The following RBFOX1 variants were observed in gnomAD, a reference collection of about 807,000 sequenced individuals.
RBFOX1 encodes RNA binding protein fox-1 homolog 1.
In RBFOX1, 8 loss-of-function variants were observed where a neutral mutation model predicts 57.7. The ratio of observed to expected loss-of-function variants is 0.14; its 90% CI spans 0.08 to 0.25. The LOEUF is 0.25. Among genes scored for constraint, RBFOX1 ranks in the 10% least tolerant of loss-of-function variants. The pLI, the probability that RBFOX1 is intolerant of heterozygous loss-of-function variation, is 1.00. For synonymous variants in RBFOX1, 326 were observed against 222.4 expected (o/e 1.47, Z -4.15); for missense variants, 611 against 548.5 (o/e 1.11, Z -1.14).
intron 6 of RBFOX1, among the ~76,000 whole-genome samples, chr16:7,584,899 T>A (rs990637148): frequency 1.4e-4 from 22 of 152,286 alleles, no homozygotes; most frequent in African/African-American, 5.3e-4. Flanking sequence ...AGAAGCAAAC[T>A]TTGAGACCAC....
intron 1 of RBFOX1, among the ~76,000 whole-genome samples, chr16:5,263,680 A>G (rs2062790248): frequency 1.3e-5 from 2 of 152,158 alleles, no homozygotes; most frequent in Non-Finnish European, 2.9e-5. Flanking sequence ...TGGGAAAGGC[A>G]GAGGAAGAGG....
At chr16:6,296,074 C>T (rs559570399) in intron 1 of RBFOX1, among the ~76,000 whole-genome samples, 4 of 152,328 alleles carry the variant, frequency 2.6e-5, no homozygotes, top group Non-Finnish European at 5.9e-5. Context: ...TCCTTTCAGC[C>T]GTACAAGCAG....
At chr16:5,989,880 A>ACACACACACACACACACACACACC (rs33912010) in intron 4 of RBFOX1, among the ~76,000 whole-genome samples, 4,546 of 127,192 alleles carry the variant, frequency 0.036, 234 homozygotes, top group South Asian at 0.042. Flanking sequence ...ACACACACAC[A>ACACACACACACACACACACACACC]CCACCCCTGT....
chr16:6,483,485 A>G, intron 2 of RBFOX1: 1 of 1,535,724 alleles, frequency 6.5e-7, no homozygotes, highest in Non-Finnish European at 8.7e-7. Flanking sequence ...AACAGGAGGC[A>G]CTTTGCAGCC....
At chr16:6,818,072 A>G (rs552082059) in intron 3 of RBFOX1, among the ~76,000 whole-genome samples, 1 of 152,226 alleles carries the variant, frequency 6.6e-6, no homozygotes, top group Admixed American at 6.5e-5. Context: ...ACTATCTTAG[A>G]TGTCATGATG....
intron 2 of RBFOX1, among the ~76,000 whole-genome samples, chr16:6,493,907 T>C (rs1214798913): frequency 1.3e-5 from 2 of 152,228 alleles, no homozygotes; most frequent in Non-Finnish European, 2.9e-5. Context: ...TTTTATTAAA[T>C]AGTTTCTTAA....
At chr16:6,876,552 C>T (rs948321920) in intron 3 of RBFOX1, among the ~76,000 whole-genome samples, 2 of 152,082 alleles carry the variant, frequency 1.3e-5, no homozygotes, top group Non-Finnish European at 2.9e-5. Context: ...AAAATTAAGT[C>T]ACTTCTATAA....
At chr16:7,467,268 C>G (rs1211614214) in intron 4 of RBFOX1, among the ~76,000 whole-genome samples, 1 of 152,124 alleles carries the variant, frequency 6.6e-6, no homozygotes, top group Non-Finnish European at 1.5e-5. Context: ...CAATAGGGAA[C>G]AAGTGCTAAA....
intron 2 of RBFOX1, among the ~76,000 whole-genome samples, chr16:6,591,906 G>C (rs2097716446): frequency 6.6e-6 from 1 of 152,152 alleles, no homozygotes; most frequent in Non-Finnish European, 1.5e-5. Context: ...TTGTGAACTG[G>C]AATTTTATAT....
intron 2 of RBFOX1, among the ~76,000 whole-genome samples, chr16:6,396,240 G>A (rs2092829915): frequency 6.6e-6 from 1 of 152,024 alleles, no homozygotes; most frequent in Non-Finnish European, 1.5e-5. Context: ...GGCAGAAATT[G>A]AAGGGGCTTT....
Position 7,272,589 on chromosome 16 carries a change from A to G in RBFOX1, c.27+220491A>G, listed in dbSNP as rs960720589. 2.0e-5 allele frequency among the ~76,000 whole-genome samples: 3 copies of G among 152,242 alleles called. No homozygotes were observed. In the South Asian group the frequency reaches 6.2e-4, roughly 31 times the overall value. ...TCACTTGCCAGGTTGTAGAGAGGAC[A>G]GGAAAGCAGTGCTGAGCAGCCAGGC... is the stretch of plus-strand genomic sequence containing the variant. On this transcript the variant is annotated intron_variant, in intron 4 of 15. Coordinates refer to ENST00000550418, the MANE Select transcript of RBFOX1 (RefSeq NM_018723.4).
intron 4 of RBFOX1, among the ~76,000 whole-genome samples, chr16:7,438,790 G>A (rs1346247110): frequency 6.6e-6 from 1 of 152,140 alleles, no homozygotes; most frequent in Non-Finnish European, 1.5e-5. Context: ...TAATTCAATA[G>A]CGTAGCCTTG....
intron 3 of RBFOX1, among the ~76,000 whole-genome samples, chr16:6,915,933 A>G (rs1379483958): frequency 1.3e-5 from 2 of 152,172 alleles, no homozygotes; most frequent in Non-Finnish European, 2.9e-5. Context: ...TGGTCCCCAA[A>G]TGCTGAAGTT....
At chr16:7,369,116 A>C (rs1244990983) in intron 4 of RBFOX1, among the ~76,000 whole-genome samples, 2 of 152,168 alleles carry the variant, frequency 1.3e-5, no homozygotes, top group African/African-American at 4.8e-5. Flanking sequence ...GGTTTTTCAC[A>C]ACTCAGCGTG....
Position 6,711,948 on chromosome 16 carries a change from A to G in RBFOX1, c.-16+57298A>G, listed in dbSNP as rs12444049. ...CCTTCTCCTACATTTCTTGTCTCCCATTCTTCCTTTGTAGCTGTAGCATTT... is the reference window on the plus strand; with the variant it reads ...CCTTCTCCTACATTTCTTGTCTCCCGTTCTTCCTTTGTAGCTGTAGCATTT... On this transcript the variant is annotated intron_variant, in intron 3 of 15. Coordinates refer to ENST00000550418, the MANE Select transcript of RBFOX1 (RefSeq NM_018723.4). Among the ~76,000 whole-genome samples, 629 of 152,148 alleles carry G rather than the reference A, an allele frequency of 4.1e-3. 2 individuals carry two copies. Among genetic ancestry groups the G allele is most frequent in the Middle Eastern group, 6.8e-3 (2 of 294 alleles).
chr16:6,847,375 A>G lies in RBFOX1; in HGVS notation c.-16+192725A>G, dbSNP rs1057007702. Among the ~76,000 whole-genome samples, 16 of 151,942 alleles carry G rather than the reference A, an allele frequency of 1.1e-4. 1 individual carries two copies. The highest frequency in any genetic ancestry group is 3.6e-4 in the African/African-American group (15 of 41,370). ...TGCAAGGGGGTCTTCAATCTGCCCT[A>G]TGTGTGCACATTCTGGGGCCGGGTC... On this transcript the variant is annotated intron_variant, in intron 3 of 15. Coordinates refer to ENST00000550418, the MANE Select transcript of RBFOX1 (RefSeq NM_018723.4).
At chr16:6,622,521 A>C (rs2098248054) in intron 2 of RBFOX1, among the ~76,000 whole-genome samples, 1 of 152,156 alleles carries the variant, frequency 6.6e-6, no homozygotes, top group Non-Finnish European at 1.5e-5. Context: ...GTATAACTGC[A>C]CCGTGTGATG....
At chr16:5,916,860 C>T (rs1333141053) in intron 4 of RBFOX1, among the ~76,000 whole-genome samples, 2 of 152,136 alleles carry the variant, frequency 1.3e-5, no homozygotes, top group Admixed American at 6.5e-5. Context: ...AGAGAAAGCT[C>T]TCCTGACGGG....
At chr16:6,694,348 G>A (rs1365976457) in intron 3 of RBFOX1, among the ~76,000 whole-genome samples, 1 of 152,136 alleles carries the variant, frequency 6.6e-6, no homozygotes, top group Non-Finnish European at 1.5e-5. Context: ...AGTTGGCGGA[G>A]ATTAATTATG....
Sources: gnomAD v4.1 joint callset for allele counts (sites outside exome capture counted in the v4.1 genomes callset) on GRCh38, gnomAD v4.1.1 for gene constraint, MANE v1.5 for transcripts, NCBI Gene and HGNC (gene_info 2026-07-23, HGNC 2026-07-21) for gene names.